The following POLE variants were observed in gnomAD, a reference collection of about 807,000 sequenced individuals.
POLE encodes DNA polymerase epsilon, catalytic subunit.
Under a neutral mutation model 279.2 loss-of-function variants are expected in POLE, and 188 were observed. The ratio of observed to expected loss-of-function variants is 0.67; its 90% CI spans 0.60 to 0.76. POLE has a LOEUF of 0.76. Among genes scored for constraint, POLE ranks in the 30% least tolerant of loss-of-function variants. The pLI, the probability that POLE is intolerant of heterozygous loss-of-function variation, is 0.00. For synonymous variants in POLE, 1,214 were observed against 1,172.5 expected (o/e 1.04, Z -0.72); for missense variants, 2,703 against 3,016.7 (o/e 0.90, Z 2.44).
rs2135977006 is a variant in POLE, at chr12:132,668,554, C to A, written c.2027-52G>T. The stretch of plus-strand genomic sequence containing the variant: ...TCAAAAGGAGGCACAGACACACCGG[C>A]TTCCCACCAAGTGGAGAAAGGCGGC... On this transcript the variant is annotated intron_variant, in intron 18 of 48. Coordinates refer to ENST00000320574, the MANE Select transcript of POLE (RefSeq NM_006231.4). This position sits in a 1 kb window ranked among gnomAD's most constrained non-coding sequence, Gnocchi z 4.0. 1 of 1,581,704 alleles carries A rather than the reference C, an allele frequency of 6.3e-7. No individual in the cohort carries two copies. The highest frequency in any genetic ancestry group is 8.6e-7 in the Non-Finnish European group (1 of 1,158,902).
chr12:132,677,864 G>A (rs911763134), intron 6 of POLE, 145 bp from the exon 7 acceptor site: 1 of 765,556 alleles, frequency 1.3e-6, no homozygotes, highest in African/African-American at 1.7e-5. Context: ...CAACGACCAA[G>A]GCAGTCCTTC....
chr12:132,665,456 A>G lies in POLE; in HGVS notation c.2320-6T>C. ...GAGAGCTTCTTTTTCCACACCTGAG[A>G]AGCACATGAACATGGAGCACCTCAC... On this transcript the variant is annotated splice_polypyrimidine_tract_variant and splice_region_variant and intron_variant, in intron 20 of 48. Coordinates refer to ENST00000320574, the MANE Select transcript of POLE (RefSeq NM_006231.4). The G allele has an allele frequency of 6.2e-7, 1 of 1,606,710 alleles. No homozygotes were observed. The highest frequency in any genetic ancestry group is 1.3e-5 in the African/African-American group (1 of 74,986).
chr12:132,653,268 A>G (rs2042462050), intron 29 of POLE, among the ~76,000 whole-genome samples: 1 of 152,176 alleles, frequency 6.6e-6, no homozygotes, highest in South Asian at 2.1e-4. Context: ...TCAGCTACTC[A>G]GGAGGCTGAG....
rs2042570213 is a variant in POLE at position 132,657,433 on chromosome 12, C to T, written c.3379-4G>A. 1 of 1,613,878 alleles carries T rather than the reference C, an allele frequency of 6.2e-7. No homozygotes were observed. The highest frequency in any genetic ancestry group is 8.5e-7 in the Non-Finnish European group (1 of 1,179,836). ...TGTAGTAGTCCCAATCCAGAATCTGCATGTGCAGGAAACGGGCACAGAGAA... is the reference window on the plus strand; with the variant it reads ...TGTAGTAGTCCCAATCCAGAATCTGTATGTGCAGGAAACGGGCACAGAGAA... On this transcript the variant is annotated splice_polypyrimidine_tract_variant and splice_region_variant and intron_variant, in intron 27 of 48. Coordinates refer to ENST00000320574, the MANE Select transcript of POLE (RefSeq NM_006231.4).
rs1310827309 is a variant in POLE at position 132,634,981 on chromosome 12, T to A, written c.5812-603A>T. Among the ~76,000 whole-genome samples the A allele has an allele frequency of 2.6e-5, 4 of 152,152 alleles. No homozygotes were observed. The highest frequency in any genetic ancestry group is 5.9e-5 in the Non-Finnish European group (4 of 68,016). On this transcript the variant is annotated intron_variant, in intron 42 of 48. Coordinates refer to ENST00000320574, the MANE Select transcript of POLE (RefSeq NM_006231.4). The surrounding 1 kb of genome is among the most constrained non-coding windows in gnomAD (Gnocchi z 4.0). ...TCCAGGTGTCCTGGGCAGTCTTGGC[T>A]TCATCCTGCCAGCTCCCAGAAGCGT...
Position 132,668,314 on chromosome 12 carries a change from G to C in POLE, c.2173+42C>G, listed in dbSNP as rs2135974035. 6.6e-7 allele frequency: 1 copy of C among 1,512,124 alleles called. No homozygotes were observed. Among genetic ancestry groups the C allele is most frequent in the Non-Finnish European group, 8.8e-7 (1 of 1,130,212 alleles). 93.7% of individuals were successfully genotyped at this position (1,512,124 alleles called of 1,614,324 possible). On this transcript the variant is annotated intron_variant, in intron 19 of 48. Coordinates refer to ENST00000320574, the MANE Select transcript of POLE (RefSeq NM_006231.4). This position sits in a 1 kb window ranked among gnomAD's most constrained non-coding sequence, Gnocchi z 4.0. ...CCAGTAAGAACAGAAAGTGGGAGCA[G>C]GAGCCACATCTTTACAGCCGTGACC...
chr12:132,682,311 A>AATAAATAAATAAATAAAT (rs61693359), intron 1 of POLE, among the ~76,000 whole-genome samples: 1 of 74,380 alleles, frequency 1.3e-5, no homozygotes, highest in Non-Finnish European at 3.7e-5. Flanking sequence ...AAAATAAATA[A>AATAAATAAATAAATAAAT]AAATAAATAA....
chr12:132,627,441 A>T (rs1373524840), intron 45 of POLE, among the ~76,000 whole-genome samples: 11 of 152,156 alleles, frequency 7.2e-5, no homozygotes, highest in Non-Finnish European at 1.5e-5. Context: ...CTGGGACGAC[A>T]GGCATGCGCC....
chr12:132,663,939 C>A (rs2135956197), intron 23 of POLE, 65 bp downstream of exon 23: 7 of 1,566,426 alleles, frequency 4.5e-6, no homozygotes, highest in Non-Finnish European at 6.1e-6. Context: ...TGCTGCAGAG[C>A]CAGTGACATC....
chr12:132,667,203 T>C (rs927764389), intron 20 of POLE, among the ~76,000 whole-genome samples: 3 of 152,104 alleles, frequency 2.0e-5, no homozygotes. Flanking sequence ...CGAAGGCAGT[T>C]GGGTTCGTAA....
At chr12:132,646,773 G>A (rs1382651224) in intron 32 of POLE, among the ~76,000 whole-genome samples, 3 of 149,882 alleles carry the variant, frequency 2.0e-5, no homozygotes, top group South Asian at 4.3e-4. Context: ...CGGAGGTTGC[G>A]GTGAGCCGAG....
intron 9 of POLE, 125 bp downstream of exon 9, chr12:132,676,421 C>A: frequency 1.3e-6 from 1 of 754,396 alleles, no homozygotes; most frequent in South Asian, 1.6e-5. Context: ...CTTGGTTGCT[C>A]CCATTCCTGG....
chr12:132,643,881 C>T lies in POLE; in HGVS notation c.4246G>A (p.Ala1416Thr), dbSNP rs146711942. The T allele has an allele frequency of 1.3e-4, 215 of 1,614,154 alleles. 1 individual carries two copies. Among genetic ancestry groups the T allele is most frequent in the African/African-American group, 9.5e-4 (71 of 75,046 alleles). Residue 1416 changes from alanine (A) to threonine (T), a missense_variant, in exon 33 of 49, where the codon GCT becomes ACT. Physicochemically the swap from Ala to Thr is moderately conservative, Grantham distance 58 (BLOSUM62 0). Around this residue, in one of 5 missense-constraint regions of POLE, gnomAD observed 1,551 missense variants for 1,686.1 expected, o/e 0.92. Transcript: ENST00000320574. The part of the protein sequence containing the change: ...MYQEHINEIN[A>T]ELSAPDIEGV... ...TCGATGTCTGGCGCTGACAGCTCAG[C>T]GTTGATCTCGTTGATGTGTTCCTGG...
intron 1 of POLE, among the ~76,000 whole-genome samples, chr12:132,682,161 G>T (rs1272561003): frequency 6.6e-6 from 1 of 152,124 alleles, no homozygotes; most frequent in Non-Finnish European, 1.5e-5. Context: ...AGGCGTGGTG[G>T]TGGGTGCCTA....
At chr12:132,627,956 C>T (rs750365343) in intron 45 of POLE, among the ~76,000 whole-genome samples, 2 of 152,212 alleles carry the variant, frequency 1.3e-5, no homozygotes, top group African/African-American at 2.4e-5. Flanking sequence ...AAATTGGAGT[C>T]GGTCCTCTCA....
chr12:132,632,916 A>C, intron 43 of POLE, 121 bp from the exon 44 acceptor site: 1 of 1,114,284 alleles, frequency 9.0e-7, no homozygotes, highest in Non-Finnish European at 1.3e-6. Flanking sequence ...CATTGTTAAT[A>C]ATTTTATCTG....
intron 41 of POLE, among the ~76,000 whole-genome samples, chr12:132,637,544 G>T (rs4883618): frequency 0.48 from 73,498 of 152,122 alleles, 18,457 homozygotes; most frequent in East Asian, 0.7. Context: ...TCAGGAACAT[G>T]GCCTGGAAGG....
In POLE at chr12:132,664,072, T is replaced by C. The variant is rs138548494; in HGVS notation, c.2638A>G (p.Thr880Ala). Reference protein sequence around the residue: ...NSFPENFVFKTTNVKKPKVTI... With the variant: ...NSFPENFVFKATNVKKPKVTI... ...ACTTTGGGCTTCTTCACATTGGTCG[T>C]CTTGAAGACAAAATTTTCTGGGAAG... The change falls in exon 23 of 49, where the codon ACG becomes GCG. Residue 880 changes from threonine to alanine, a missense_variant. Coordinates refer to ENST00000320574, the MANE Select transcript of POLE (RefSeq NM_006231.4). The surrounding 1 kb of genome is among the most constrained non-coding windows in gnomAD (Gnocchi z 5.3). 6 of 1,614,206 alleles carry C rather than the reference T, an allele frequency of 3.7e-6. No individual in the cohort carries two copies. The highest frequency in any genetic ancestry group is 1.6e-4 in the Middle Eastern group (1 of 6,062).
At position 132,638,932 on chromosome 12, in the gene POLE, T is replaced by C. The variant is rs2042085975; in HGVS notation, c.5552+193A>G. 3 of 596,790 alleles carry C rather than the reference T, an allele frequency of 5.0e-6. No individual in the cohort carries two copies. In the East Asian group the frequency reaches 8.4e-5, roughly 17 times the overall value. The allele number at this position is 596,790 out of a possible 1,614,324, so 37.0% of individuals were successfully genotyped here. A position where few individuals can be genotyped will look rare whatever the true frequency, so the allele number is the denominator to read the frequency against. ...AGAGGAGGTGCCACCTAGTGTTCTCTGCAGGATGTGCAGGCGACGCTGCAG... is the reference window on the plus strand; with the variant it reads ...AGAGGAGGTGCCACCTAGTGTTCTCCGCAGGATGTGCAGGCGACGCTGCAG... On this transcript the variant is annotated intron_variant, in intron 40 of 48. Coordinates refer to ENST00000320574, the MANE Select transcript of POLE (RefSeq NM_006231.4).
Sources: allele counts gnomAD v4.1 joint callset (sites outside exome capture counted in the v4.1 genomes callset), GRCh38; gene constraint gnomAD v4.1.1; regional missense constraint gnomAD v4.1.1; non-coding constraint Gnocchi (gnomAD v3.1); transcripts MANE v1.5; gene names NCBI Gene and HGNC (gene_info 2026-07-23, HGNC 2026-07-21).